The following MAST2 variants were observed in gnomAD, a reference collection of about 807,000 sequenced individuals.
MAST2 encodes microtubule-associated serine/threonine-protein kinase 2.
A neutral mutation model predicts 147.4 loss-of-function variants in MAST2; 70 were observed. The ratio of observed to expected loss-of-function variants is 0.47; its 90% CI spans 0.39 to 0.58. The LOEUF (loss-of-function observed/expected upper bound fraction) is 0.58, where lower values mean the gene tolerates loss of function less well. Ranked by LOEUF, MAST2 falls within the 20% of genes least tolerant of loss-of-function variation. The probability of loss-of-function intolerance (pLI) is 0.00; values close to 1 mark genes in which losing one functional copy is unlikely to be tolerated. For missense variants in MAST2, 2,080 were observed against 2,302.3 expected (o/e 0.90, Z 1.98); for synonymous variants, 869 against 896.8 (o/e 0.97, Z 0.55).
intron 3 of MAST2, among the ~76,000 whole-genome samples, chr1:45,880,501 A>G (rs1646795524): frequency 6.6e-6 from 1 of 152,212 alleles, no homozygotes; most frequent in Non-Finnish European, 1.5e-5. Context: ...ATCTGAGTAT[A>G]TGTACTTAAC....
At chr1:45,831,789 T>C (rs895993147) in intron 3 of MAST2, among the ~76,000 whole-genome samples, 1 of 151,450 alleles carries the variant, frequency 6.6e-6, no homozygotes, top group Non-Finnish European at 1.5e-5. Flanking sequence ...AGTTTTTTTT[T>C]TTTTTTTTGA....
chr1:45,933,735 CAA>C (rs1215535935), intron 4 of MAST2, among the ~76,000 whole-genome samples: 1 of 151,868 alleles, frequency 6.6e-6, no homozygotes. Flanking sequence ...GCCTGGGCAA[CAA>C]GAGCAAAAAC....
chr1:45,883,611 T>G (rs1646938862), intron 4 of MAST2, among the ~76,000 whole-genome samples: 1 of 152,200 alleles, frequency 6.6e-6, no homozygotes, highest in Non-Finnish European at 1.5e-5. Flanking sequence ...ACTTAATATA[T>G]GTATAGTGCT....
chr1:45,854,353 AAT>A (rs1398905900), intron 3 of MAST2, among the ~76,000 whole-genome samples: 1 of 150,576 alleles, frequency 6.6e-6, no homozygotes, highest in East Asian at 2.0e-4. Flanking sequence ...AAAAAAAAAA[AAT>A]TGGACATATT....
intron 4 of MAST2, chr1:45,913,654 G>T: frequency 9.8e-7 from 1 of 1,015,834 alleles, no homozygotes; most frequent in Non-Finnish European, 1.2e-6. Context: ...GTCTTTTGTG[G>T]GGGGATGGGA....
At chr1:45,899,714 G>GGC (rs1649416219) in intron 4 of MAST2, among the ~76,000 whole-genome samples, 1 of 151,872 alleles carries the variant, frequency 6.6e-6, no homozygotes, top group Non-Finnish European at 1.5e-5. Flanking sequence ...ACTGATGGTG[G>GGC]GCACCTAGGT....
In MAST2 at chr1:46,017,525, C is replaced by T. The variant is rs1202196392; in HGVS notation, c.1189-2071C>T. Among the ~76,000 whole-genome samples, 6 of 152,312 alleles carry T rather than the reference C, an allele frequency of 3.9e-5. No homozygotes were observed. The East Asian group carries it at 1.2e-3, about 29-fold the overall frequency. ...GGGCGAAGGACATGAGCAGACACTTCTCAAAAGAAGACATTTATGCAGCCA... is the reference window on the plus strand; with the variant it reads ...GGGCGAAGGACATGAGCAGACACTTTTCAAAAGAAGACATTTATGCAGCCA... On this transcript the variant is annotated intron_variant, in intron 10 of 28. Coordinates refer to ENST00000361297, the MANE Select transcript of MAST2 (RefSeq NM_015112.3).
intron 6 of MAST2, among the ~76,000 whole-genome samples, chr1:45,998,941 C>T (rs1471495240): frequency 6.6e-6 from 1 of 152,096 alleles, no homozygotes; most frequent in African/African-American, 2.4e-5. Flanking sequence ...ACCGTGTTAG[C>T]CAGGATGGTC....
rs1174584257 is a variant in MAST2 at position 46,031,596 on chromosome 1, T to C, written c.3187+11T>C. 4 of 1,604,532 alleles carry C rather than the reference T, an allele frequency of 2.5e-6. No homozygotes were observed. The Admixed American group carries it at 6.7e-5, about 27-fold the overall frequency. On this transcript the variant is annotated intron_variant, in intron 24 of 28. Coordinates refer to ENST00000361297, the MANE Select transcript of MAST2 (RefSeq NM_015112.3). The surrounding 1 kb of genome is among the most constrained non-coding windows in gnomAD (Gnocchi z 4.1). ...TCCTCATTCCTTCGGGTGAGGCCCC[T>C]GGGGAGCTGGGATAAAACTCACAGG...
intron 4 of MAST2, among the ~76,000 whole-genome samples, chr1:45,944,783 G>A (rs1207804542): frequency 1.3e-5 from 2 of 152,076 alleles, no homozygotes; most frequent in Admixed American, 1.3e-4. Context: ...TCTACTGTGG[G>A]TTCTGAATTC....
intron 5 of MAST2, among the ~76,000 whole-genome samples, chr1:45,986,656 G>T (rs898767162): frequency 2.0e-5 from 3 of 147,780 alleles, no homozygotes; most frequent in Non-Finnish European, 4.4e-5. Flanking sequence ...GGCGGAGCTT[G>T]CAGTGAGCCG....
intron 4 of MAST2, among the ~76,000 whole-genome samples, chr1:45,929,632 A>C (rs1654961214): frequency 6.6e-6 from 1 of 152,200 alleles, no homozygotes; most frequent in Non-Finnish European, 1.5e-5. Context: ...TGATGGCCTC[A>C]TTTTGGTAGA....
intron 6 of MAST2, among the ~76,000 whole-genome samples, chr1:45,998,834 TCTC>T (rs1218806374): frequency 6.6e-6 from 1 of 151,938 alleles, no homozygotes; most frequent in Non-Finnish European, 1.5e-5. Context: ...TTCACGCCAT[TCTC>T]CTGCCTCAGC....
At chr1:46,032,518 C>T (rs1039719537) in intron 25 of MAST2, 78 bp from the exon 26 acceptor site, 1 of 1,597,322 alleles carries the variant, frequency 6.3e-7, no homozygotes, top group Non-Finnish European at 8.6e-7. Flanking sequence ...TGAAGGGGCT[C>T]ACAGCTTAAT....
chr1:45,990,385 GTTGT>G (rs1027935073), intron 5 of MAST2, among the ~76,000 whole-genome samples: 6 of 152,130 alleles, frequency 3.9e-5, no homozygotes, highest in Non-Finnish European at 7.4e-5. Context: ...TTAAAATTGG[GTTGT>G]TTGTTTTCTT....
At chr1:45,976,591 T>C (rs966703369) in intron 5 of MAST2, among the ~76,000 whole-genome samples, 2 of 152,234 alleles carry the variant, frequency 1.3e-5, no homozygotes, top group African/African-American at 4.8e-5. Flanking sequence ...AAAAAGCAGC[T>C]TTAACTTTTT....
rs538487724 is a variant in MAST2 at position 45,888,657 on chromosome 1, C to T, written c.500+6262C>T. On this transcript the variant is annotated intron_variant, in intron 4 of 28. Transcript: ENST00000361297. ...GATTACAGGCGTGAGCCACCGCGCG[C>T]GGCCTCTTTTTTTTTTTTTTTTTTT... 1.6e-3 allele frequency among the ~76,000 whole-genome samples: 156 copies of T among 97,576 alleles called. 1 individual carries two copies. Among genetic ancestry groups the T allele is most frequent in the Non-Finnish European group, 2.8e-3 (131 of 46,520 alleles). 64.0% of individuals were successfully genotyped at this position (97,576 alleles called of 152,430 possible).
At chr1:45,891,448 C>T (rs1255960032) in intron 4 of MAST2, among the ~76,000 whole-genome samples, 1 of 152,124 alleles carries the variant, frequency 6.6e-6, no homozygotes, top group East Asian at 1.9e-4. Context: ...CACTGTACTC[C>T]ACCCTGGGTG....
intron 10 of MAST2, among the ~76,000 whole-genome samples, chr1:46,015,827 A>C (rs1456746400): frequency 1.3e-5 from 2 of 152,220 alleles, no homozygotes; most frequent in Admixed American, 1.3e-4. Flanking sequence ...TCATTTTATG[A>C]TGCCAGCATC....
Sources: allele counts gnomAD v4.1 joint callset (sites outside exome capture counted in the v4.1 genomes callset), GRCh38; gene constraint gnomAD v4.1.1; non-coding constraint Gnocchi (gnomAD v3.1); transcripts MANE v1.5; gene names NCBI Gene and HGNC (gene_info 2026-07-23, HGNC 2026-07-21).